Variants in HIRA observed in about 807,000 individuals in gnomAD.
HIRA encodes histone cell cycle regulator, also known as protein HIRA.
In HIRA, 13 loss-of-function variants were observed where a neutral mutation model predicts 126.6. The ratio of observed to expected loss-of-function variants is 0.10; its 90% CI spans 0.07 to 0.16. The LOEUF (loss-of-function observed/expected upper bound fraction) is 0.16, where lower values mean the gene tolerates loss of function less well. Among genes scored for constraint, HIRA ranks in the 10% least tolerant of loss-of-function variants. The pLI, the probability that HIRA is intolerant of heterozygous loss-of-function variation, is 1.00. For synonymous variants in HIRA, 511 were observed against 520.0 expected (o/e 0.98, Z 0.24); for missense variants, 834 against 1,314.4 (o/e 0.63, Z 5.65).
intron 18 of HIRA, among the ~76,000 whole-genome samples, chr22:19,357,757 C>A (rs2088826522): frequency 6.6e-6 from 1 of 152,170 alleles, no homozygotes. Context: ...CCACAGTAGG[C>A]CACCCAGAGC....
intron 1 of HIRA, among the ~76,000 whole-genome samples, chr22:19,429,553 A>T (rs117808065): frequency 6.4e-4 from 97 of 152,172 alleles, no homozygotes; most frequent in Admixed American, 6.4e-3. Flanking sequence ...GTTAGAGTAG[A>T]TATTATCATG....
chr22:19,374,850 G>T (rs2089002852), intron 15 of HIRA, among the ~76,000 whole-genome samples: 1 of 152,186 alleles, frequency 6.6e-6, no homozygotes, highest in Non-Finnish European at 1.5e-5. Context: ...TCGCAGTGGG[G>T]TGCAACTCTT....
rs571652655 is a variant in HIRA, at chr22:19,358,795, C to T, written c.2234+541G>A. On this transcript the variant is annotated intron_variant, in intron 18 of 24. Coordinates refer to ENST00000263208, the MANE Select transcript of HIRA (RefSeq NM_003325.4). ...CTGAGGAGAAACATTGGTTCCCCTT[C>T]CACATTGAACACAGGTAGGGACAGG... Among the ~76,000 whole-genome samples, 47 of 152,266 alleles carry T rather than the reference C, an allele frequency of 3.1e-4. 1 individual carries two copies. The highest frequency in any genetic ancestry group is 1.1e-3 in the African/African-American group (45 of 41,538).
At chr22:19,390,234 A>G (rs144060805) in intron 9 of HIRA, among the ~76,000 whole-genome samples, 91 of 152,210 alleles carry the variant, frequency 6.0e-4, no homozygotes, top group Middle Eastern at 3.4e-3. Context: ...ACCATTGAGT[A>G]TATCTGCTGA....
intron 2 of HIRA, 37 bp from the exon 3 acceptor site, chr22:19,408,630 G>T: frequency 8.4e-7 from 1 of 1,196,538 alleles, no homozygotes; most frequent in South Asian, 1.2e-5. Context: ...AATGTGCAAG[G>T]AGTAGAAATT....
chr22:19,401,644 T>C (rs1191775681), intron 5 of HIRA, among the ~76,000 whole-genome samples: 2 of 152,204 alleles, frequency 1.3e-5, no homozygotes, highest in Non-Finnish European at 1.5e-5. Flanking sequence ...CTGCATCCTT[T>C]CCACTGTTTG....
At chr22:19,388,117 A>G (rs1005513898) in intron 10 of HIRA, among the ~76,000 whole-genome samples, 5 of 152,242 alleles carry the variant, frequency 3.3e-5, no homozygotes, top group African/African-American at 1.2e-4. Flanking sequence ...TTAAAATAAA[A>G]AAAACTTGAC....
Position 19,359,466 on chromosome 22 carries a change from T to C in HIRA, c.2104A>G (p.Met702Val), listed in dbSNP as rs751469729. 1.1e-5 allele frequency: 17 copies of C among 1,607,386 alleles called. No individual in the cohort carries two copies. The highest frequency in any genetic ancestry group is 1.4e-5 in the Non-Finnish European group (16 of 1,177,224). ...ACTTCATTCTCCACCTCAATGTACA[T>C]GGAAGGATCGGAGCTGACCTGGATG... ...FTLQVSSDPS[M>V]YIEVENEVTV... Residue 702 changes from methionine (M) to valine (V), a missense_variant, in exon 18 of 25, where the codon ATG becomes GTG. Met to Val is a conservative substitution (Grantham distance 21). This residue lies in a region of HIRA where 468 missense variants were observed against 574.2 expected (regional missense o/e 0.82). Transcript: ENST00000263208.
chr22:19,336,669 C>A (rs1376862493), intron 24 of HIRA, among the ~76,000 whole-genome samples: 1 of 152,262 alleles, frequency 6.6e-6, no homozygotes, highest in Non-Finnish European at 1.5e-5. Flanking sequence ...ACAGCAGGTG[C>A]TGGTATCCAC....
Position 19,396,868 on chromosome 22 carries a change from A to C in HIRA, c.573T>G (p.Ser191=). ...CCTTTAGGCTGCGGTCATCAGCTTG[A>C]GAAGCTATGTATTTACCAACAGGGT... ...TWDPVGKYIA[S]QADDRSLKVW... The change falls in exon 7 of 25, where the codon TCT becomes TCG. Residue 191 remains serine (S), a synonymous_variant. Transcript: ENST00000263208. 6.2e-7 allele frequency: 1 copy of C among 1,614,178 alleles called. No homozygotes were observed. The highest frequency in any genetic ancestry group is 1.1e-5 in the South Asian group (1 of 91,088).
intron 24 of HIRA, among the ~76,000 whole-genome samples, chr22:19,335,286 C>A (rs1166528290): frequency 2.6e-5 from 4 of 151,826 alleles, no homozygotes; most frequent in Admixed American, 6.6e-5. Flanking sequence ...GCTCTGTTGC[C>A]CAGGCTGGAG....
At chr22:19,383,765 T>C (rs2089098444) in intron 12 of HIRA, 60 bp from the exon 13 acceptor site, 2 of 1,310,076 alleles carry the variant, frequency 1.5e-6, no homozygotes, top group Admixed American at 1.7e-5. Context: ...TTCCAAATAT[T>C]AAAAAATAAA....
intron 9 of HIRA, among the ~76,000 whole-genome samples, chr22:19,389,716 A>G (rs923511334): frequency 2.6e-5 from 4 of 152,074 alleles, no homozygotes; most frequent in African/African-American, 9.7e-5. Context: ...TCTAAGAAAT[A>G]TGGGCATCAC....
At chr22:19,339,299 G>A (rs1180371893) in intron 24 of HIRA, among the ~76,000 whole-genome samples, 1 of 152,084 alleles carries the variant, frequency 6.6e-6, no homozygotes, top group Non-Finnish European at 1.5e-5. Context: ...AGCAAAAGTG[G>A]TGCTAAGAGG....
At chr22:19,355,731 G>A (rs1556012292) in intron 21 of HIRA, 29 bp downstream of exon 21, 1 of 1,497,072 alleles carries the variant, frequency 6.7e-7, no homozygotes, top group Admixed American at 1.7e-5. Context: ...ACTCTTCCAG[G>A]GAATAGGACT....
intron 9 of HIRA, among the ~76,000 whole-genome samples, chr22:19,389,634 TCCC>T: frequency 6.6e-6 from 1 of 152,194 alleles, no homozygotes; most frequent in African/African-American, 2.4e-5. Context: ...AGCTGCCTTG[TCCC>T]TCCTCTCATA....
At chr22:19,359,572 G>A (rs2088845478) in intron 17 of HIRA, 88 bp from the exon 18 acceptor site, 2 of 1,357,826 alleles carry the variant, frequency 1.5e-6, no homozygotes, top group South Asian at 1.7e-5. Context: ...GGGCCCCAAG[G>A]CAGCAGCAGG....
At chr22:19,379,682 C>A (rs1311501807) in intron 13 of HIRA, among the ~76,000 whole-genome samples, 3 of 133,972 alleles carry the variant, frequency 2.2e-5, no homozygotes, top group Non-Finnish European at 3.2e-5. Flanking sequence ...TTGTGAACTG[C>A]TTGTTCATAT....
Position 19,415,528 on chromosome 22 carries a change from C to T in HIRA, c.38-4750G>A, listed in dbSNP as rs571846161. On this transcript the variant is annotated intron_variant, in intron 1 of 24. Coordinates refer to ENST00000263208, the MANE Select transcript of HIRA (RefSeq NM_003325.4). ...GTTAGGCTGGGCACAGTGGCTCATG[C>T]CTGTAATCCCAGCACTTTGGGAGGC... Among the ~76,000 whole-genome samples the T allele has an allele frequency of 4.6e-5, 7 of 152,320 alleles. No individual in the cohort carries two copies. The East Asian group carries it at 1.3e-3, about 29-fold the overall frequency.
Sources: gnomAD v4.1 joint callset for allele counts (sites outside exome capture counted in the v4.1 genomes callset) on GRCh38, gnomAD v4.1.1 for gene constraint, gnomAD v4.1.1 regional missense constraint, MANE v1.5 for transcripts, NCBI Gene and HGNC (gene_info 2026-07-23, HGNC 2026-07-21) for gene names.